PPP2R2B: variants seen among roughly 807,000 people sequenced by gnomAD.
PPP2R2B encodes the protein serine/threonine-protein phosphatase 2A 55 kDa regulatory subunit B beta isoform.
PPP2R2B carries 5 observed loss-of-function variants against 46.0 expected under a neutral mutation model. That is an observed-to-expected ratio of 0.11 (90% CI 0.06 to 0.23). PPP2R2B has a LOEUF of 0.23. PPP2R2B is among the 10% of genes least tolerant of loss of function. The probability of loss-of-function intolerance (pLI) is 1.00; values close to 1 mark genes in which losing one functional copy is unlikely to be tolerated. For missense variants in PPP2R2B, 367 were observed against 575.0 expected, an observed-to-expected ratio of 0.64 and a Z score of 3.70; for synonymous variants, 215 against 206.7, an observed-to-expected ratio of 1.04 and a Z score of -0.34.
At chr5:146,628,605 A>G (rs1250760269) in intron 7 of PPP2R2B, among the ~76,000 whole-genome samples, 1 of 152,188 alleles carries the variant, frequency 6.6e-6, no homozygotes, top group Non-Finnish European at 1.5e-5. Context: ...TGGAAGCTCG[A>G]GGGGCAGGTG....
intron 2 of PPP2R2B, among the ~76,000 whole-genome samples, chr5:146,714,649 A>G (rs1192751467): frequency 6.6e-6 from 1 of 152,206 alleles, no homozygotes; most frequent in Non-Finnish European, 1.5e-5. Context: ...CCCTACCCAC[A>G]GCCAAAATCT....
chr5:146,811,353 C>T (rs560467344), intron 2 of PPP2R2B, among the ~76,000 whole-genome samples: 60 of 152,202 alleles, frequency 3.9e-4, no homozygotes, highest in African/African-American at 1.2e-3. Context: ...CTCATCACTC[C>T]GCTGAAAGTG....
At chr5:147,021,732 T>C (rs1755276014) in intron 1 of PPP2R2B, among the ~76,000 whole-genome samples, 1 of 152,186 alleles carries the variant, frequency 6.6e-6, no homozygotes, top group Non-Finnish European at 1.5e-5. Flanking sequence ...TGAAGCCCAA[T>C]ATTTTTTAAT....
intron 2 of PPP2R2B, among the ~76,000 whole-genome samples, chr5:146,745,855 G>A (rs957814312): frequency 1.1e-4 from 16 of 152,118 alleles, no homozygotes; most frequent in African/African-American, 3.9e-4. Context: ...CTACTTGGGA[G>A]GCTGAGGCAG....
At chr5:146,937,930 A>C (rs543670948) in intron 1 of PPP2R2B, among the ~76,000 whole-genome samples, 1 of 152,264 alleles carries the variant, frequency 6.6e-6, no homozygotes, top group South Asian at 2.1e-4. Context: ...CAGCACTGTC[A>C]TGTTCGTCTT....
chr5:146,724,293 T>C (rs1751706430), intron 2 of PPP2R2B, among the ~76,000 whole-genome samples: 1 of 150,020 alleles, frequency 6.7e-6, no homozygotes, highest in Admixed American at 6.6e-5. Context: ...TTTCCTCAGC[T>C]GTAAAATGGG....
rs573329947 is a variant in PPP2R2B, at chr5:146,825,880, C to T, written c.70+52122G>A. ...TTGGTATCACATGTAGTAAGATATT[C>T]TTGACAGAGCATTAATAGCATTAAT... is the stretch of plus-strand genomic sequence containing the variant. On this transcript the variant is annotated intron_variant, in intron 2 of 9. Transcript: ENST00000394411. 6.5e-4 allele frequency among the ~76,000 whole-genome samples: 99 copies of T among 152,262 alleles called. 1 individual carries two copies. The highest frequency in any genetic ancestry group is 2.4e-3 in the African/African-American group (99 of 41,560).
chr5:146,866,141 TATC>T (rs1761297708), intron 2 of PPP2R2B, among the ~76,000 whole-genome samples: 1 of 152,188 alleles, frequency 6.6e-6, no homozygotes, highest in South Asian at 2.1e-4. Flanking sequence ...CTAAAATACT[TATC>T]ATCTGACCCT....
chr5:146,738,542 G>T (rs2151217199), intron 2 of PPP2R2B, among the ~76,000 whole-genome samples: 1 of 152,240 alleles, frequency 6.6e-6, no homozygotes, highest in South Asian at 2.1e-4. Context: ...CCCAACAGTA[G>T]GTTCTTGAAA....
At chr5:146,752,603 TAA>T (rs915094583) in intron 2 of PPP2R2B, among the ~76,000 whole-genome samples, 5 of 152,178 alleles carry the variant, frequency 3.3e-5, no homozygotes, top group Non-Finnish European at 7.3e-5. Context: ...ATAAGATCAG[TAA>T]AAGTTTGCTG....
chr5:147,060,895 A>G (rs1229401256), upstream of PPP2R2B, among the ~76,000 whole-genome samples: 4 of 152,192 alleles, frequency 2.6e-5, no homozygotes, highest in East Asian at 7.7e-4. Flanking sequence ...TGCCTGAAGC[A>G]TAAGAGGAGT....
At chr5:146,772,086 G>A (rs1164483493) in intron 2 of PPP2R2B, among the ~76,000 whole-genome samples, 1 of 152,028 alleles carries the variant, frequency 6.6e-6, no homozygotes, top group African/African-American at 2.4e-5. Context: ...CAGGAAAATG[G>A]TAAAGCAAAT....
At chr5:146,773,566 A>G (rs917924158) in intron 2 of PPP2R2B, among the ~76,000 whole-genome samples, 2 of 152,236 alleles carry the variant, frequency 1.3e-5, no homozygotes, top group Non-Finnish European at 2.9e-5. Context: ...ATCTACAAAA[A>G]TAAACATTGT....
chr5:146,657,648 C>T (rs1202888088), intron 5 of PPP2R2B, among the ~76,000 whole-genome samples: 4 of 149,722 alleles, frequency 2.7e-5, no homozygotes, highest in African/African-American at 7.3e-5. Flanking sequence ...CTGAATCTTA[C>T]TAAGGTGTAC....
intron 5 of PPP2R2B, among the ~76,000 whole-genome samples, chr5:146,665,538 A>T (rs550236892): frequency 6.6e-6 from 1 of 152,328 alleles, no homozygotes; most frequent in South Asian, 2.1e-4. Flanking sequence ...TCTTCTATCC[A>T]TACCACTCAA....
chr5:146,885,133 G>A (rs1762279267), intron 1 of PPP2R2B, among the ~76,000 whole-genome samples: 2 of 152,156 alleles, frequency 1.3e-5, no homozygotes, highest in African/African-American at 4.8e-5. Flanking sequence ...CATCTATTAT[G>A]TACTAGGCAC....
intron 2 of PPP2R2B, among the ~76,000 whole-genome samples, chr5:146,752,164 G>C (rs1213058159): frequency 6.6e-6 from 1 of 152,134 alleles, no homozygotes; most frequent in African/African-American, 2.4e-5. Flanking sequence ...AGCAGTGAGG[G>C]TGGGGAGAGG....
intron 3 of PPP2R2B, 133 bp from the exon 4 acceptor site, chr5:146,698,277 A>G (rs1185552564): frequency 3.7e-6 from 1 of 271,356 alleles, no homozygotes; most frequent in East Asian, 6.5e-5. Context: ...GGGCAGGGCC[A>G]TGATAGTCAC....
chr5:147,023,639 TACTA>T (rs1755390304), intron 1 of PPP2R2B, among the ~76,000 whole-genome samples: 1 of 152,156 alleles, frequency 6.6e-6, no homozygotes, highest in Non-Finnish European at 1.5e-5. Context: ...GGACAATTCA[TACTA>T]ACTGATAGGT....
Sources: allele counts gnomAD v4.1 joint callset (sites outside exome capture counted in the v4.1 genomes callset), GRCh38; gene constraint gnomAD v4.1.1; transcripts MANE v1.5; gene names NCBI Gene and HGNC (gene_info 2026-07-23, HGNC 2026-07-21).